ESR2: variants seen among roughly 807,000 people sequenced by gnomAD.
The protein encoded by ESR2 is estrogen receptor beta.
A neutral mutation model predicts 49.6 loss-of-function variants in ESR2; 36 were observed. The ratio of observed to expected loss-of-function variants is 0.73; its 90% CI spans 0.56 to 0.96. The LOEUF (loss-of-function observed/expected upper bound fraction) is 0.96. Among genes scored for constraint, ESR2 ranks in the 40% least tolerant of loss-of-function variants. The pLI is 0.00. For synonymous variants in ESR2, 320 were observed against 266.1 expected (o/e 1.20, Z -1.97); for missense variants, 714 against 693.0 (o/e 1.03, Z -0.34).
rs543310306 is a variant in ESR2 at position 64,234,984 on chromosome 14, G to A, written c.1392C>T (p.His464=). ...AGGGCGCGTACCTCGCATGCCTGAC[G>A]TGGGACAGGAGCATCAGGAGGTTAG... The part of the protein sequence containing the change: ...RLANLLMLLS[H]VRHASNKGME... Residue 464 remains histidine, a synonymous_variant, in exon 8 of 9, where the codon CAC becomes CAT. Coordinates refer to ENST00000341099, the MANE Select transcript of ESR2 (RefSeq NM_001437.3). The A allele has an allele frequency of 6.2e-6, 10 of 1,614,144 alleles. No individual in the cohort carries two copies. The highest frequency in any genetic ancestry group is 1.7e-4 in the Middle Eastern group (1 of 6,056).
At position 64,281,033 on chromosome 14, in the gene ESR2, T is replaced by C. The variant is rs541323720; in HGVS notation, c.363-880A>G. 2.6e-5 allele frequency among the ~76,000 whole-genome samples: 4 copies of C among 151,752 alleles called. No individual in the cohort carries two copies. The South Asian group carries it at 8.3e-4, about 32-fold the overall frequency. ...CAAAAAAATAAAATAAAAATAACTT[T>C]AAGAGGAATAACAAATGGACTTTAA... On this transcript the variant is annotated intron_variant, in intron 2 of 8. Coordinates refer to ENST00000341099, the MANE Select transcript of ESR2 (RefSeq NM_001437.3).
At position 64,280,130 on chromosome 14, in the gene ESR2, C is replaced by A. The variant is rs2076634776; in HGVS notation, c.386G>T (p.Ser129Ile). The change falls in exon 3 of 9, where the codon AGT becomes ATT. Residue 129 changes from serine to isoleucine, a missense_variant. Ser to Ile is a moderately radical substitution (Grantham distance 142). Transcript: ENST00000341099. ...AACAGGGCTGGCGCAACGGTTCCCACTAACCTTCCTTTTCAGTGTCTCTCT... is the reference window on the plus strand; with the variant it reads ...AACAGGGCTGGCGCAACGGTTCCCAATAACCTTCCTTTTCAGTGTCTCTCT... The part of the protein sequence containing the change: ...VNRETLKRKV[S>I]GNRCASPVTG... 1 of 1,613,916 alleles carries A rather than the reference C, an allele frequency of 6.2e-7. No homozygotes were observed. The highest frequency in any genetic ancestry group is 1.7e-5 in the Admixed American group (1 of 59,990).
intron 1 of ESR2, among the ~76,000 whole-genome samples, chr14:64,328,986 T>C (rs886606030): frequency 6.6e-6 from 1 of 152,120 alleles, no homozygotes; most frequent in Non-Finnish European, 1.5e-5. Context: ...GTATTAGTTG[T>C]AGATATTTTA....
chr14:64,242,134 G>A (rs965041249), intron 7 of ESR2, among the ~76,000 whole-genome samples: 2 of 152,108 alleles, frequency 1.3e-5, no homozygotes, highest in Non-Finnish European at 2.9e-5. Flanking sequence ...TCATGGCTAG[G>A]TGCAGTGGCT....
chr14:64,302,160 T>TTTTATTTATTTATTTA (rs80326062), intron 1 of ESR2, among the ~76,000 whole-genome samples: 37 of 138,204 alleles, frequency 2.7e-4, no homozygotes, highest in East Asian at 2.0e-3. Context: ...TATTTTTTAT[T>TTTTATTTATTTATTTA]TTTATTTATT....
At chr14:64,311,690 T>C (rs1198017261) in intron 1 of ESR2, among the ~76,000 whole-genome samples, 2 of 148,744 alleles carry the variant, frequency 1.3e-5, no homozygotes, top group Admixed American at 1.3e-4. Context: ...GGTGCATGCC[T>C]GTAGTACCAG....
Position 64,260,481 on chromosome 14 carries a change from A to G in ESR2, c.920T>C (p.Val307Ala). The change falls in exon 5 of 9, where the codon GTA becomes GCA. Residue 307 changes from valine (V) to alanine (A), a missense_variant. Physicochemically the swap from Val to Ala is moderately conservative, Grantham distance 64 (BLOSUM62 0). Transcript: ENST00000341099. ...CTTCTTGGCCCAGCTGATCATGTGT[A>G]CCAACTCCTTGTCGGCCAACTTGGT... ...SLTKLADKEL[V>A]HMISWAKKIP... The G allele has an allele frequency of 6.5e-7, 1 of 1,531,144 alleles. No individual in the cohort carries two copies. Among genetic ancestry groups the G allele is most frequent in the Non-Finnish European group, 8.8e-7 (1 of 1,139,938 alleles). The allele number at this position is 1,531,144 out of a possible 1,614,324, so 94.8% of individuals were successfully genotyped here. A position where few individuals can be genotyped will look rare whatever the true frequency, so the allele number is the denominator to read the frequency against.
intron 7 of ESR2, among the ~76,000 whole-genome samples, chr14:64,248,242 G>A (rs548120241): frequency 5.3e-4 from 81 of 151,892 alleles, no homozygotes; most frequent in African/African-American, 1.9e-3. Context: ...AGTGGCTCAC[G>A]CTTGTAAATT....
chr14:64,232,671 A>G lies in ESR2; in HGVS notation c.*466T>C, dbSNP rs540666851. 1 of 157,080 alleles carries G rather than the reference A, an allele frequency of 6.4e-6. No individual in the cohort carries two copies. The highest frequency in any genetic ancestry group is 1.4e-5 in the Non-Finnish European group (1 of 70,796). 9.7% of individuals were successfully genotyped at this position (157,080 alleles called of 1,614,324 possible). A position where few individuals can be genotyped will look rare whatever the true frequency, so the allele number is the denominator to read the frequency against. ...TGCCACAGGGGTTTTCAATCTTACA[A>G]TGGAGTGGTCCGGAAAACAGCAAAG... On this transcript the variant is annotated 3_prime_UTR_variant, in exon 9 of 9. Transcript: ENST00000341099.
intron 1 of ESR2, among the ~76,000 whole-genome samples, chr14:64,302,880 C>T (rs1596475171): frequency 1.3e-5 from 2 of 152,104 alleles, no homozygotes; most frequent in East Asian, 3.9e-4. Flanking sequence ...CTCACTGCAA[C>T]CTCCGCCTCC....
intron 1 of ESR2, among the ~76,000 whole-genome samples, chr14:64,318,697 A>T (rs2077289427): frequency 6.6e-6 from 1 of 151,780 alleles, no homozygotes; most frequent in Non-Finnish European, 1.5e-5. Context: ...GCCAGGAATT[A>T]GAAACTAGCC....
intron 1 of ESR2, among the ~76,000 whole-genome samples, chr14:64,286,966 C>T (rs920682687): frequency 6.6e-6 from 1 of 151,410 alleles, no homozygotes; most frequent in Non-Finnish European, 1.5e-5. Flanking sequence ...ATCTGCCCGC[C>T]TTAGCCTCCC....
rs1389035463 is a variant in ESR2, at chr14:64,230,114, TTGAGCCCAGGAGGTCGAGGCTGCAG to T, written c.*2998_*3022del. Reference sequence around the variant, plus strand: ...TGGGGCACTGTGGTGGGAGGATCGCTTGAGCCCAGGAGGTCGAGGCTGCAGTGAGCCATGATGGCGCCACTGCACT... The same window carrying T: ...TGGGGCACTGTGGTGGGAGGATCGCTTGAGCCATGATGGCGCCACTGCACT... On this transcript the variant is annotated 3_prime_UTR_variant, in exon 9 of 9. Coordinates refer to ENST00000341099, the MANE Select transcript of ESR2 (RefSeq NM_001437.3). Among the ~76,000 whole-genome samples, 3 of 151,584 alleles carry T rather than the reference TTGAGCCCAGGAGGTCGAGGCTGCAG, an allele frequency of 2.0e-5. No homozygotes were observed. The highest frequency in any genetic ancestry group is 1.3e-4 in the Admixed American group (2 of 15,196).
Position 64,232,146 on chromosome 14 carries a change from A to C in ESR2, c.*991T>G, listed in dbSNP as rs1015157434. On this transcript the variant is annotated 3_prime_UTR_variant, in exon 9 of 9. Coordinates refer to ENST00000341099, the MANE Select transcript of ESR2 (RefSeq NM_001437.3). The stretch of plus-strand genomic sequence containing the variant: ...CACTGGGGTGCATAGCTACTCATCC[A>C]TCCATAAAACAGCACACTGCACACA... The C allele has an allele frequency of 6.6e-6, 1 of 152,220 alleles. No individual in the cohort carries two copies. Among genetic ancestry groups the C allele is most frequent in the African/African-American group, 2.4e-5 (1 of 41,436 alleles). The allele number at this position is 152,220 out of a possible 1,614,324, so 9.4% of individuals were successfully genotyped here.
At chr14:64,284,503 G>C (rs1414699409) in intron 1 of ESR2, among the ~76,000 whole-genome samples, 1 of 151,410 alleles carries the variant, frequency 6.6e-6, no homozygotes. Flanking sequence ...TGTATTTTTA[G>C]TAGAGACAGG....
At chr14:64,281,176 G>T (rs1356268625) in intron 2 of ESR2, among the ~76,000 whole-genome samples, 1 of 152,136 alleles carries the variant, frequency 6.6e-6, no homozygotes, top group Non-Finnish European at 1.5e-5. Flanking sequence ...GGAAAGGCTT[G>T]GAAGGAAGCA....
chr14:64,310,721 C>T (rs999444242), intron 1 of ESR2, among the ~76,000 whole-genome samples: 1 of 152,086 alleles, frequency 6.6e-6, no homozygotes, highest in Non-Finnish European at 1.5e-5. Context: ...CTGCCCGCCT[C>T]GGCCTCCCAA....
rs189957206 is a variant in ESR2 at position 64,280,271 on chromosome 14, T to C, written c.363-118A>G. On this transcript the variant is annotated intron_variant, in intron 2 of 8. Transcript: ENST00000341099. ...TAATCTCTTTTTCCTCCAGGGTTCC[T>C]GGTAAATATATTCCCGGAAATCTGA... is the stretch of plus-strand genomic sequence containing the variant. The C allele has an allele frequency of 0.015, 11,132 of 744,632 alleles. 148 individuals carry two copies. Among genetic ancestry groups the C allele is most frequent in the South Asian group, 0.038 (2,234 of 58,086 alleles). The allele number at this position is 744,632 out of a possible 1,614,324, so 46.1% of individuals were successfully genotyped here. A position where few individuals can be genotyped will look rare whatever the true frequency, so the allele number is the denominator to read the frequency against.
rs1324070519 is a variant in ESR2, at chr14:64,252,318, A to AAAAAAC, written c.1092-2645_1092-2640dup. Among the ~76,000 whole-genome samples, 9 of 152,200 alleles carry AAAAAAC rather than the reference A, an allele frequency of 5.9e-5. No homozygotes were observed. In the East Asian group the frequency reaches 7.7e-4, roughly 13 times the overall value. ...CAGAGCGGGACCGTCTCTAAAAAAA[A>AAAAAAC]AAAAACAAAAACAAAAACAGGGCAT... On this transcript the variant is annotated intron_variant, in intron 6 of 8. Coordinates refer to ENST00000341099, the MANE Select transcript of ESR2 (RefSeq NM_001437.3).
Sources: gnomAD v4.1 joint callset for allele counts (sites outside exome capture counted in the v4.1 genomes callset) on GRCh38, gnomAD v4.1.1 for gene constraint, MANE v1.5 for transcripts, NCBI Gene and HGNC (gene_info 2026-07-23, HGNC 2026-07-21) for gene names.